The following PCNX4 variants were observed in gnomAD, a reference collection of about 807,000 sequenced individuals.
The protein encoded by PCNX4 is pecanex 4.
PCNX4 carries 103 observed loss-of-function variants against 107.2 expected under a neutral mutation model. The observed-to-expected ratio is 0.96, with a 90% CI of 0.82 to 1.13. The LOEUF (loss-of-function observed/expected upper bound fraction) is 1.13. PCNX4 is among the 50% of genes most tolerant of loss of function. The pLI, the probability that PCNX4 is intolerant of heterozygous loss-of-function variation, is 0.00. For missense variants in PCNX4, 1,528 were observed against 1,379.4 expected, an observed-to-expected ratio of 1.11 and a Z score of -1.71; for synonymous variants, 541 against 481.7, an observed-to-expected ratio of 1.12 and a Z score of -1.61.
chr14:60,108,358 C>T, intron 2 of PCNX4, 31 bp downstream of exon 2: 1 of 1,508,938 alleles, frequency 6.6e-7, no homozygotes, highest in Non-Finnish European at 9.0e-7. Context: ...TTGTAACTAA[C>T]TTTGTTTTTA....
intron 1 of PCNX4, among the ~76,000 whole-genome samples, chr14:60,098,009 C>T (rs752484677): frequency 2.0e-5 from 3 of 152,150 alleles, no homozygotes; most frequent in East Asian, 1.9e-4. Flanking sequence ...TCGACTTCGA[C>T]GAGGACCATC....
intron 1 of PCNX4, among the ~76,000 whole-genome samples, chr14:60,106,415 G>T (rs547022192): frequency 1.3e-4 from 20 of 152,198 alleles, no homozygotes; most frequent in Admixed American, 1.2e-3. Flanking sequence ...TACATGTTCA[G>T]TACAGATACA....
At chr14:60,112,043 A>G (rs1378042266) in intron 2 of PCNX4, among the ~76,000 whole-genome samples, 1 of 152,208 alleles carries the variant, frequency 6.6e-6, no homozygotes, top group Non-Finnish European at 1.5e-5. Context: ...TTCAGAAGAT[A>G]TGAAAGGGAG....
chr14:60,100,209 G>A (rs1365377936), intron 1 of PCNX4, among the ~76,000 whole-genome samples: 1 of 151,862 alleles, frequency 6.6e-6, no homozygotes, highest in Non-Finnish European at 1.5e-5. Flanking sequence ...AGAAAAATAG[G>A]CAAAGGACAT....
At chr14:60,105,380 A>G (rs1297246412) in intron 1 of PCNX4, among the ~76,000 whole-genome samples, 1 of 152,268 alleles carries the variant, frequency 6.6e-6, no homozygotes, top group East Asian at 1.9e-4. Context: ...ATGTATTTAC[A>G]GGGTGTGAGG....
intron 1 of PCNX4, among the ~76,000 whole-genome samples, chr14:60,093,417 T>A (rs1595155593): frequency 6.6e-6 from 1 of 152,164 alleles, no homozygotes; most frequent in African/African-American, 2.4e-5. Flanking sequence ...CCCCATAAAT[T>A]TGCTTATTTT....
In PCNX4 at chr14:60,118,610, G is replaced by A. The variant is rs61735914; in HGVS notation, c.1860G>A (p.Val620=). The change falls in exon 7 of 11, where the codon GTG becomes GTA. Residue 620 remains valine, a synonymous_variant. Transcript: ENST00000406854. ...GAGCAGCAGGCACCACAGCCTGTGT[G>A]TGTGCAGATACAGTGTACTACTACC... The part of the protein sequence containing the change: ...WPGAAGTTAC[V]CADTVYYYQM... 1.3e-3 allele frequency: 2,059 copies of A among 1,613,824 alleles called. 31 individuals are homozygous for A. In the African/African-American group the frequency reaches 0.025, roughly 20 times the overall value.
At chr14:60,128,444 C>T (rs926811535) in intron 10 of PCNX4, among the ~76,000 whole-genome samples, 1 of 152,092 alleles carries the variant, frequency 6.6e-6, no homozygotes, top group African/African-American at 2.4e-5. Context: ...TCAAAGTGCC[C>T]CCTAAAGAAA....
In PCNX4 at chr14:60,124,900, T is replaced by A; in HGVS notation, c.2729T>A (p.Val910Glu). The stretch of plus-strand genomic sequence containing the variant: ...TTCAGTTGTTCACATTCTCACTTAG[T>A]ATGCTTACCCGCAGAGTGGAGGACT... ...MEFSCSHSHL[V>E]CLPAEWRTSC... The change falls in exon 9 of 11, where the codon GTA becomes GAA. Residue 910 changes from valine (V) to glutamate (E), a missense_variant. Val to Glu is a moderately radical substitution (Grantham distance 121). Transcript: ENST00000406854. 1 of 1,613,856 alleles carries A rather than the reference T, an allele frequency of 6.2e-7. No homozygotes were observed.
intron 10 of PCNX4, among the ~76,000 whole-genome samples, chr14:60,126,971 A>G (rs1246789954): frequency 1.3e-5 from 2 of 152,300 alleles, no homozygotes; most frequent in African/African-American, 4.8e-5. Flanking sequence ...GAAGCATGCT[A>G]TCGCCCAGAA....
chr14:60,112,265 C>T (rs1044736883), intron 2 of PCNX4, among the ~76,000 whole-genome samples: 1 of 152,072 alleles, frequency 6.6e-6, no homozygotes, highest in Non-Finnish European at 1.5e-5. Context: ...TAGAAAAAAT[C>T]TTTTTTCTTG....
rs1184219254 is a variant in PCNX4, at chr14:60,138,221, A to G, written c.*4000A>G. On this transcript the variant is annotated 3_prime_UTR_variant, in exon 11 of 11. Transcript: ENST00000406854. ...GATGTGAAAAACTAAGAGACAAAAG[A>G]ATAGAAAATATAGTAGAGAGTATAA... 1 of 152,212 alleles carries G rather than the reference A, an allele frequency of 6.6e-6. No individual in the cohort carries two copies. The highest frequency in any genetic ancestry group is 1.5e-5 in the Non-Finnish European group (1 of 68,046). 9.4% of individuals were successfully genotyped at this position (152,212 alleles called of 1,614,324 possible). A position where few individuals can be genotyped will look rare whatever the true frequency, so the allele number is the denominator to read the frequency against.
intron 8 of PCNX4, among the ~76,000 whole-genome samples, chr14:60,121,801 T>C (rs762169836): frequency 1.9e-4 from 29 of 152,182 alleles, no homozygotes; most frequent in African/African-American, 6.0e-4. Flanking sequence ...CCCAGCCTGC[T>C]CTTGTCAAGG....
intron 8 of PCNX4, among the ~76,000 whole-genome samples, chr14:60,122,855 G>A (rs2140558997): frequency 6.6e-6 from 1 of 152,226 alleles, no homozygotes; most frequent in Non-Finnish European, 1.5e-5. Flanking sequence ...GCACAGATTG[G>A]ATAAAATCGC....
rs929516166 is a variant in PCNX4, at chr14:60,145,151, T to G, written c.*10930T>G. 103 of 572,810 alleles carry G rather than the reference T, an allele frequency of 1.8e-4. 1 individual carries two copies. The highest frequency in any genetic ancestry group is 1.0e-4 in the Non-Finnish European group (36 of 350,464). The allele number at this position is 572,810 out of a possible 1,614,324, so 35.5% of individuals were successfully genotyped here. A position where few individuals can be genotyped will look rare whatever the true frequency, so the allele number is the denominator to read the frequency against. On this transcript the variant is annotated 3_prime_UTR_variant, in exon 11 of 11. Coordinates refer to ENST00000406854, the MANE Select transcript of PCNX4 (RefSeq NM_001330177.2). This position sits in a 1 kb window ranked among gnomAD's most constrained non-coding sequence, Gnocchi z 4.0. ...ATCTTTACAAAAGTTCAGAAACTGC[T>G]TAAATTAGAATTTAAAAATCATAGC...
intron 7 of PCNX4, 32 bp from the exon 8 acceptor site, chr14:60,121,164 T>TTTTTTTTTTTTTTTTTTTTTA: frequency 7.2e-7 from 1 of 1,386,204 alleles, no homozygotes; most frequent in Admixed American, 2.5e-5. Context: ...TGATTTTCTT[T>TTTTTTTTTTTTTTTTTTTTTA]TTTTTTTTTT....
At chr14:60,095,719 G>C (rs943497364) in intron 1 of PCNX4, among the ~76,000 whole-genome samples, 3 of 151,438 alleles carry the variant, frequency 2.0e-5, no homozygotes, top group African/African-American at 7.3e-5. Flanking sequence ...TGCTAGGATG[G>C]TTTATTCCTA....
At chr14:60,104,668 G>A (rs1895597492) in intron 1 of PCNX4, among the ~76,000 whole-genome samples, 3 of 152,174 alleles carry the variant, frequency 2.0e-5, no homozygotes, top group Admixed American at 2.0e-4. Flanking sequence ...GGCAGCAGAC[G>A]AGAGAAAATC....
intron 1 of PCNX4, among the ~76,000 whole-genome samples, chr14:60,101,797 C>T (rs951979291): frequency 6.6e-6 from 1 of 151,990 alleles, no homozygotes; most frequent in Non-Finnish European, 1.5e-5. Context: ...TGATAGTTGC[C>T]CTCCCATGTT....
Sources: gnomAD v4.1 joint callset for allele counts (sites outside exome capture counted in the v4.1 genomes callset) on GRCh38, gnomAD v4.1.1 for gene constraint, Gnocchi (gnomAD v3.1) non-coding constraint, MANE v1.5 for transcripts, NCBI Gene and HGNC (gene_info 2026-07-23, HGNC 2026-07-21) for gene names.